The following CDH13 variants were observed in gnomAD, a reference collection of about 807,000 sequenced individuals.
The protein encoded by CDH13 is cadherin-13.
In CDH13, 24 loss-of-function variants were observed where a neutral mutation model predicts 63.8. The observed-to-expected ratio is 0.38, with a 90% confidence interval of 0.27 to 0.53. The LOEUF (loss-of-function observed/expected upper bound fraction) is 0.53, where lower values mean the gene tolerates loss of function less well. Among genes scored for constraint, CDH13 ranks in the 20% least tolerant of loss-of-function variants. The pLI is 0.85. For synonymous variants in CDH13, 503 were observed against 355.3 expected (o/e 1.42, Z -4.67); for missense variants, 1,049 against 903.1 (o/e 1.16, Z -2.07).
At position 83,303,211 on chromosome 16, in the gene CDH13, C is replaced by T. The variant is rs143835639; in HGVS notation, c.637-41651C>T. Among the ~76,000 whole-genome samples, 178 of 152,324 alleles carry T rather than the reference C, an allele frequency of 1.2e-3. 1 individual carries two copies. Among genetic ancestry groups the T allele is most frequent in the African/African-American group, 4.1e-3 (170 of 41,560 alleles). The stretch of plus-strand genomic sequence containing the variant: ...TTCCCCTTCACCTTCCGAAGGTTCA[C>T]CTTCTGCCCTCTGAAAAAGAACTAA... On this transcript the variant is annotated intron_variant, in intron 5 of 13. Transcript: ENST00000567109.
intron 11 of CDH13, among the ~76,000 whole-genome samples, chr16:83,763,518 A>C (rs533822354): frequency 6.6e-6 from 1 of 152,172 alleles, no homozygotes; most frequent in African/African-American, 2.4e-5. Flanking sequence ...CTTCAGAAAG[A>C]TACCTCAGCC....
At chr16:83,337,897 G>A (rs1287445566) in intron 5 of CDH13, among the ~76,000 whole-genome samples, 2 of 151,862 alleles carry the variant, frequency 1.3e-5, no homozygotes, top group Non-Finnish European at 2.9e-5. Context: ...GTAAAGCAAA[G>A]CTACTAAGTA....
At chr16:83,410,142 C>G (rs1279202296) in intron 6 of CDH13, among the ~76,000 whole-genome samples, 2 of 152,100 alleles carry the variant, frequency 1.3e-5, no homozygotes, top group African/African-American at 2.4e-5. Context: ...CCATGTAGAG[C>G]GCATGGTTTT....
At chr16:82,813,035 T>C (rs1775686263) in intron 1 of CDH13, among the ~76,000 whole-genome samples, 1 of 152,088 alleles carries the variant, frequency 6.6e-6, no homozygotes. Flanking sequence ...ACTGAGTCAA[T>C]GATGTAACAC....
chr16:83,377,197 G>A (rs376856218), intron 6 of CDH13, among the ~76,000 whole-genome samples: 4 of 152,200 alleles, frequency 2.6e-5, no homozygotes, highest in African/African-American at 9.6e-5. Flanking sequence ...TCATTCTACA[G>A]CACTAAATAA....
At chr16:82,628,276 C>T (rs560126062) in intron 1 of CDH13, among the ~76,000 whole-genome samples, 1 of 152,188 alleles carries the variant, frequency 6.6e-6, no homozygotes, top group East Asian at 1.9e-4. Flanking sequence ...CAGGGCCGGG[C>T]AGAGTAAGGA....
chr16:82,875,041 A>G (rs2151194490), intron 2 of CDH13, among the ~76,000 whole-genome samples: 1 of 152,316 alleles, frequency 6.6e-6, no homozygotes, highest in Middle Eastern at 3.4e-3. Flanking sequence ...CCTCCCAAAT[A>G]AAGGCCTGGA....
At chr16:83,714,645 A>G (rs1304740101) in intron 10 of CDH13, among the ~76,000 whole-genome samples, 1 of 152,234 alleles carries the variant, frequency 6.6e-6, no homozygotes, top group Non-Finnish European at 1.5e-5. Flanking sequence ...AGACTGTAAC[A>G]TATGACTATC....
intron 2 of CDH13, among the ~76,000 whole-genome samples, chr16:82,987,802 G>A (rs1472352136): frequency 2.0e-5 from 3 of 152,232 alleles, no homozygotes; most frequent in African/African-American, 4.8e-5. Flanking sequence ...TGTGGGTTTT[G>A]CTATTGCTTA....
intron 4 of CDH13, among the ~76,000 whole-genome samples, chr16:83,171,266 A>G (rs2037904962): frequency 6.6e-6 from 1 of 152,040 alleles, no homozygotes; most frequent in Non-Finnish European, 1.5e-5. Flanking sequence ...GGGAAGTACT[A>G]CACACTTTTA....
chr16:83,192,929 C>G (rs2038765325), intron 4 of CDH13, among the ~76,000 whole-genome samples: 1 of 152,070 alleles, frequency 6.6e-6, no homozygotes, highest in Admixed American at 6.6e-5. Flanking sequence ...CCAAAAACCA[C>G]AGAAACAATT....
At chr16:82,628,205 G>C (rs746937279) in intron 1 of CDH13, among the ~76,000 whole-genome samples, 16 of 152,220 alleles carry the variant, frequency 1.1e-4, no homozygotes, top group Non-Finnish European at 1.6e-4. Flanking sequence ...CTCTCTGGCA[G>C]GCGTTGGGAC....
chr16:82,956,241 A>G (rs1402409376), intron 2 of CDH13, among the ~76,000 whole-genome samples: 1 of 152,010 alleles, frequency 6.6e-6, no homozygotes, highest in African/African-American at 2.4e-5. Context: ...GGTCTTCATC[A>G]TTTAACCTTC....
intron 11 of CDH13, among the ~76,000 whole-genome samples, chr16:83,766,835 T>C (rs1212437623): frequency 6.6e-6 from 1 of 152,152 alleles, no homozygotes; most frequent in Non-Finnish European, 1.5e-5. Context: ...CATGCTGTTC[T>C]CATGGTAATG....
intron 3 of CDH13, among the ~76,000 whole-genome samples, chr16:83,084,296 G>A (rs943883021): frequency 2.0e-5 from 3 of 152,158 alleles, no homozygotes; most frequent in Non-Finnish European, 4.4e-5. Context: ...GGAAAAGTTT[G>A]TTTTGACGTG....
intron 6 of CDH13, among the ~76,000 whole-genome samples, chr16:83,376,319 C>G (rs1184350433): frequency 6.6e-6 from 1 of 152,162 alleles, no homozygotes; most frequent in Non-Finnish European, 1.5e-5. Flanking sequence ...GGGCTTGTGC[C>G]TACACCTAGA....
At chr16:83,536,060 G>A (rs544580284) in intron 7 of CDH13, among the ~76,000 whole-genome samples, 2 of 152,274 alleles carry the variant, frequency 1.3e-5, no homozygotes, top group East Asian at 1.9e-4. Context: ...AATTCACCCA[G>A]GACAACATTT....
intron 2 of CDH13, among the ~76,000 whole-genome samples, chr16:82,972,896 A>G (rs1908970454): frequency 6.6e-6 from 1 of 152,190 alleles, no homozygotes. Flanking sequence ...ACTCAGGCAC[A>G]ACCTGATTTT....
chr16:83,019,694 C>A (rs1022396432), intron 2 of CDH13, among the ~76,000 whole-genome samples: 3 of 151,374 alleles, frequency 2.0e-5, no homozygotes, highest in Admixed American at 6.6e-5. Context: ...TGGAGTCTTG[C>A]CATGTTGCCC....
Sources: allele counts gnomAD v4.1 joint callset (sites outside exome capture counted in the v4.1 genomes callset), GRCh38; gene constraint gnomAD v4.1.1; transcripts MANE v1.5; gene names NCBI Gene and HGNC (gene_info 2026-07-23, HGNC 2026-07-21).